Variants in PPFIBP1 observed in about 807,000 individuals in gnomAD.
The protein encoded by PPFIBP1 is liprin-beta-1.
Under a neutral mutation model 137.8 loss-of-function variants are expected in PPFIBP1, and 112 were observed. That is an observed-to-expected ratio of 0.81 (90% confidence interval 0.70 to 0.95). The LOEUF (loss-of-function observed/expected upper bound fraction) is 0.95, where lower values mean the gene tolerates loss of function less well. PPFIBP1 is among the 40% of genes least tolerant of loss of function. PPFIBP1 has a pLI of 0.00. For missense variants in PPFIBP1, 1,083 were observed against 1,196.6 expected (o/e 0.91, Z 1.40); for synonymous variants, 378 against 417.3 (o/e 0.91, Z 1.15).
rs1209381426 is a variant in PPFIBP1, at chr12:27,644,318, G to A, written c.271-1744G>A. On this transcript the variant is annotated intron_variant, in intron 4 of 29. Transcript: ENST00000228425. Reference sequence around the variant, plus strand: ...GCCTATGCTGGCCTCAAACTTCTGGGCTCACACAATTCTCAGCCTCCCGAA... The same window carrying A: ...GCCTATGCTGGCCTCAAACTTCTGGACTCACACAATTCTCAGCCTCCCGAA... Among the ~76,000 whole-genome samples, 7 of 148,018 alleles carry A rather than the reference G, an allele frequency of 4.7e-5. No individual in the cohort carries two copies. In the South Asian group the frequency reaches 1.3e-3, roughly 28 times the overall value.
At chr12:27,678,905 C>T (rs1207440226) in intron 19 of PPFIBP1, among the ~76,000 whole-genome samples, 2 of 143,892 alleles carry the variant, frequency 1.4e-5, no homozygotes, top group Non-Finnish European at 1.5e-5. Context: ...AAAAGACTCT[C>T]GGGGAAATTG....
At chr12:27,683,059 A>AT (rs1484689904) in intron 24 of PPFIBP1, among the ~76,000 whole-genome samples, 1 of 151,916 alleles carries the variant, frequency 6.6e-6, no homozygotes, top group Admixed American at 6.6e-5. Flanking sequence ...TCTCATAAAG[A>AT]TTTTTTTTGT....
rs1458034107 is a variant in PPFIBP1 at position 27,691,831 on chromosome 12, A to C, written c.2768A>C (p.Glu923Ala). The change falls in exon 28 of 30, where the codon GAA (glutamate) becomes GCA (alanine). Residue 923 changes from glutamate to alanine, a missense_variant. Transcript: ENST00000228425. The stretch of plus-strand genomic sequence containing the variant: ...GGTGAAGAATATGTTTGTCCAATGG[A>C]ATTGGGACAGGCATCAGGAAGTGCA... Reference protein sequence around the residue: ...EDGEEYVCPMELGQASGSASK... With the variant: ...EDGEEYVCPMALGQASGSASK... 2 of 1,613,600 alleles carry C rather than the reference A, an allele frequency of 1.2e-6. No individual in the cohort carries two copies. Among genetic ancestry groups the C allele is most frequent in the South Asian group, 1.1e-5 (1 of 91,048 alleles).
Position 27,662,938 on chromosome 12 carries a change from C to T in PPFIBP1, c.907-1424C>T, listed in dbSNP as rs113708712. Among the ~76,000 whole-genome samples, 660 of 152,268 alleles carry T rather than the reference C, an allele frequency of 4.3e-3. 8 individuals are homozygous for T. Among genetic ancestry groups the T allele is most frequent in the African/African-American group, 0.012 (518 of 41,530 alleles). ...TTGTGACAGGCCACATTTATTATTTCTCATACTTCTGTGAGTTGGCTAGGT... is the reference window on the plus strand; with the variant it reads ...TTGTGACAGGCCACATTTATTATTTTTCATACTTCTGTGAGTTGGCTAGGT... On this transcript the variant is annotated intron_variant, in intron 11 of 29. Coordinates refer to ENST00000228425, the MANE Select transcript of PPFIBP1 (RefSeq NM_003622.4).
In PPFIBP1 at chr12:27,693,062, T is replaced by A; in HGVS notation, c.*180T>A. 2.3e-6 allele frequency: 2 copies of A among 859,924 alleles called. No individual in the cohort carries two copies. Among genetic ancestry groups the A allele is most frequent in the Non-Finnish European group, 3.3e-6 (2 of 598,276 alleles). The allele number at this position is 859,924 out of a possible 1,614,324, so 53.3% of individuals were successfully genotyped here. On this transcript the variant is annotated 3_prime_UTR_variant, in exon 30 of 30. Transcript: ENST00000228425. ...CCGATTCTGAAGTTGCCACAAAAAA[T>A]AAGACACTGGTGAATGAGAGTATAA...
chr12:27,589,019 CA>C (rs2052133659), intron 2 of PPFIBP1, among the ~76,000 whole-genome samples: 1 of 152,132 alleles, frequency 6.6e-6, no homozygotes. Context: ...TCTGAAAGCA[CA>C]GCGTTGTTCT....
chr12:27,677,178 TA>T (rs1470837703), intron 19 of PPFIBP1, 82 bp downstream of exon 19: 69 of 1,523,662 alleles, frequency 4.5e-5, no homozygotes, highest in Non-Finnish European at 5.5e-5. Context: ...CTGTGATCTC[TA>T]GAAAGCGATC....
chr12:27,631,697 G>T (rs1311786581), intron 2 of PPFIBP1, among the ~76,000 whole-genome samples: 6 of 152,228 alleles, frequency 3.9e-5, no homozygotes, highest in Non-Finnish European at 4.4e-5. Context: ...CATTTGAAAG[G>T]CTCATTAAAT....
intron 1 of PPFIBP1, among the ~76,000 whole-genome samples, chr12:27,531,719 A>C (rs1944454658): frequency 6.6e-6 from 1 of 152,086 alleles, no homozygotes; most frequent in Non-Finnish European, 1.5e-5. Context: ...GAGGCAAAGA[A>C]TTCAGCTCTT....
chr12:27,582,869 C>T (rs750066664), intron 2 of PPFIBP1, among the ~76,000 whole-genome samples: 10 of 152,202 alleles, frequency 6.6e-5, no homozygotes, highest in Admixed American at 2.6e-4. Flanking sequence ...ATCCTAACTA[C>T]AATACAACAG....
At chr12:27,685,038 G>A (rs147847977) in intron 24 of PPFIBP1, among the ~76,000 whole-genome samples, 1 of 151,988 alleles carries the variant, frequency 6.6e-6, no homozygotes. Context: ...CACACATTTT[G>A]TGACTTACGA....
At chr12:27,656,522 A>G (rs551668828) in intron 8 of PPFIBP1, 94 bp from the exon 9 acceptor site, 8 of 788,942 alleles carry the variant, frequency 1.0e-5, no homozygotes, top group Non-Finnish European at 1.7e-5. Context: ...TTTCATTCAT[A>G]AAACCTGATT....
chr12:27,667,039 C>G (rs1204250516), intron 12 of PPFIBP1, 127 bp from the exon 13 acceptor site: 10 of 968,394 alleles, frequency 1.0e-5, no homozygotes, highest in Non-Finnish European at 1.4e-5. Context: ...CCAGGAGAAG[C>G]TGACTCTGAT....
At chr12:27,657,196 G>C (rs1565954004) in intron 9 of PPFIBP1, 1 of 152,734 alleles carries the variant, frequency 6.5e-6, no homozygotes, top group East Asian at 1.9e-4. Flanking sequence ...CAGGGATTGA[G>C]CCCTCCACCT....
chr12:27,548,288 G>A (rs1431860122), intron 1 of PPFIBP1: 4 of 152,210 alleles, frequency 2.6e-5, no homozygotes, highest in Non-Finnish European at 5.9e-5. Context: ...AGGCAAGCAA[G>A]TGAGTGAGGC....
intron 2 of PPFIBP1, among the ~76,000 whole-genome samples, chr12:27,608,474 C>T (rs1239081182): frequency 6.6e-6 from 1 of 152,142 alleles, no homozygotes; most frequent in Admixed American, 6.5e-5. Flanking sequence ...ACTCCCAAGA[C>T]AGTCAAAACC....
At chr12:27,666,239 G>A (rs2059848618) in intron 12 of PPFIBP1, among the ~76,000 whole-genome samples, 1 of 152,106 alleles carries the variant, frequency 6.6e-6, no homozygotes, top group Admixed American at 6.5e-5. Context: ...TTTTAACAAT[G>A]TACAGCAGCA....
Position 27,681,610 on chromosome 12 carries a change from G to A in PPFIBP1, c.1960G>A (p.Gly654Ser). ...EQVCNWLMEQ[G>S]LGSYLNSGKH... ...GGTTTGCAATTGGCTGATGGAACAG[G>A]GCTTGGGCTCGTACCTGAATTCTGG... The change falls in exon 22 of 30, where the codon GGC becomes AGC. Residue 654 changes from glycine (G) to serine (S), a missense_variant. Gly to Ser is a moderately conservative substitution (Grantham distance 56). Transcript: ENST00000228425. 1 of 1,614,142 alleles carries A rather than the reference G, an allele frequency of 6.2e-7. No homozygotes were observed. The highest frequency in any genetic ancestry group is 8.5e-7 in the Non-Finnish European group (1 of 1,180,012).
intron 2 of PPFIBP1, among the ~76,000 whole-genome samples, chr12:27,597,967 G>A (rs1475301788): frequency 2.5e-4 from 38 of 151,860 alleles, no homozygotes; most frequent in African/African-American, 7.7e-4. Flanking sequence ...CACCACACCC[G>A]GCTAATTTTT....
Sources: gnomAD v4.1 joint callset for allele counts (sites outside exome capture counted in the v4.1 genomes callset) on GRCh38, gnomAD v4.1.1 for gene constraint, MANE v1.5 for transcripts, NCBI Gene and HGNC (gene_info 2026-07-23, HGNC 2026-07-21) for gene names.